TENM3: variants seen among roughly 807,000 people sequenced by gnomAD.
The protein encoded by TENM3 is teneurin-3.
In TENM3, 63 loss-of-function variants were observed where a neutral mutation model predicts 255.1. The ratio of observed to expected loss-of-function variants is 0.25; its 90% CI spans 0.20 to 0.30. TENM3 has a LOEUF of 0.30. Ranked by LOEUF, TENM3 falls within the 10% of genes least tolerant of loss-of-function variation. The pLI, the probability that TENM3 is intolerant of heterozygous loss-of-function variation, is 1.00. For missense variants in TENM3, 2,929 were observed against 3,461.1 expected (o/e 0.85, Z 3.86); for synonymous variants, 1,306 against 1,322.3 (o/e 0.99, Z 0.27).
chr4:181,675,777 A>C, the TENM3 span, among the ~76,000 whole-genome samples: 3 of 151,968 alleles, frequency 2.0e-5, no homozygotes, highest in Admixed American at 6.6e-5. Context: ...ATTTTTTTGC[A>C]TGCAAAATGA....
intron 2 of TENM3, among the ~76,000 whole-genome samples, chr4:182,335,072 C>G (rs1257856869): frequency 6.6e-6 from 1 of 151,928 alleles, no homozygotes; most frequent in Admixed American, 6.6e-5. Flanking sequence ...CTTTCATATT[C>G]CTGTTGGAGT....
At chr4:182,021,660 G>C in the TENM3 span, among the ~76,000 whole-genome samples, 1 of 152,176 alleles carries the variant, frequency 6.6e-6, no homozygotes, top group Non-Finnish European at 1.5e-5. Context: ...AATGAAGCTA[G>C]CCTTGCATAT....
the TENM3 span, among the ~76,000 whole-genome samples, chr4:181,859,808 A>G: frequency 3.3e-5 from 5 of 152,148 alleles, no homozygotes; most frequent in Admixed American, 2.6e-4. Flanking sequence ...CTTGTGTGAT[A>G]TCTGAATAAC....
chr4:181,672,989 C>A, the TENM3 span, among the ~76,000 whole-genome samples: 2 of 152,082 alleles, frequency 1.3e-5, no homozygotes, highest in Non-Finnish European at 2.9e-5. Context: ...ACACAGTAAA[C>A]AAAGAAGCAG....
the TENM3 span, among the ~76,000 whole-genome samples, chr4:181,682,942 G>A: frequency 6.6e-6 from 1 of 151,822 alleles, no homozygotes; most frequent in African/African-American, 2.4e-5. Flanking sequence ...GGCTAGGCAT[G>A]GTAGCTCACA....
At chr4:181,767,121 G>GGGCGCGATGGCA in the TENM3 span, among the ~76,000 whole-genome samples, 3 of 144,208 alleles carry the variant, frequency 2.1e-5, no homozygotes, top group Non-Finnish European at 4.5e-5. Flanking sequence ...GCGTGGTGGC[G>GGGCGCGATGGCA]GGCGCCTGTA....
the TENM3 span, among the ~76,000 whole-genome samples, chr4:181,860,846 A>G: frequency 6.6e-6 from 1 of 152,202 alleles, no homozygotes; most frequent in Non-Finnish European, 1.5e-5. Flanking sequence ...TGCAGATCAC[A>G]TTATGTTTAT....
intron 3 of TENM3, among the ~76,000 whole-genome samples, chr4:182,540,720 A>G (rs1740791495): frequency 6.6e-6 from 1 of 152,220 alleles, no homozygotes; most frequent in African/African-American, 2.4e-5. Context: ...GAACTGGGCT[A>G]GGAATTGAGA....
intron 3 of TENM3, among the ~76,000 whole-genome samples, chr4:182,542,703 C>T (rs757797932): frequency 1.3e-5 from 2 of 152,132 alleles, no homozygotes; most frequent in South Asian, 2.1e-4. Context: ...GGTCAAGTTT[C>T]GGATTCACCT....
At chr4:182,118,505 T>A in the TENM3 span, among the ~76,000 whole-genome samples, 2 of 152,128 alleles carry the variant, frequency 1.3e-5, no homozygotes, top group Admixed American at 1.3e-4. Context: ...GATCTTGAAC[T>A]CCTGGCCCCA....
the TENM3 span, among the ~76,000 whole-genome samples, chr4:181,531,324 A>G: frequency 6.6e-6 from 1 of 152,140 alleles, no homozygotes; most frequent in Non-Finnish European, 1.5e-5. Context: ...CCCAACGACA[A>G]AGTTGCCAGA....
chr4:182,450,257 G>C (rs1773336621), intron 3 of TENM3, among the ~76,000 whole-genome samples: 1 of 152,222 alleles, frequency 6.6e-6, no homozygotes, highest in Non-Finnish European at 1.5e-5. Flanking sequence ...ACCTCTGTGT[G>C]CTAATTGTTA....
At chr4:182,620,121 T>C (rs1214504927) in intron 4 of TENM3, among the ~76,000 whole-genome samples, 2 of 152,206 alleles carry the variant, frequency 1.3e-5, no homozygotes, top group Non-Finnish European at 2.9e-5. Flanking sequence ...CAGAGCTGTA[T>C]GACTCGGCAG....
intron 5 of TENM3, among the ~76,000 whole-genome samples, chr4:182,633,953 C>T (rs1344812322): frequency 6.6e-6 from 1 of 152,158 alleles, no homozygotes; most frequent in Non-Finnish European, 1.5e-5. Context: ...CCAAGCATTC[C>T]TGTGCCTAGG....
At chr4:182,101,360 G>C in the TENM3 span, among the ~76,000 whole-genome samples, 3 of 149,062 alleles carry the variant, frequency 2.0e-5, no homozygotes, top group Non-Finnish European at 4.5e-5. Context: ...GAAAGGGAGG[G>C]AGGGAGGGAA....
intron 1 of TENM3, among the ~76,000 whole-genome samples, chr4:182,251,160 A>C (rs1322877938): frequency 1.3e-5 from 2 of 152,152 alleles, no homozygotes; most frequent in Non-Finnish European, 2.9e-5. Flanking sequence ...ACTGAAAAAA[A>C]CCTTTCCACT....
At chr4:181,864,662 G>A in the TENM3 span, among the ~76,000 whole-genome samples, 1 of 152,112 alleles carries the variant, frequency 6.6e-6, no homozygotes, top group African/African-American at 2.4e-5. Context: ...AAATAAAATA[G>A]GGGAGATATG....
At chr4:182,796,109 C>T (rs576179348) in intron 26 of TENM3, among the ~76,000 whole-genome samples, 8 of 152,312 alleles carry the variant, frequency 5.3e-5, no homozygotes, top group African/African-American at 1.9e-4. Context: ...CCAGTTTTGC[C>T]AGCTTGCAGC....
At chr4:182,598,018 A>C (rs1747438756) in intron 3 of TENM3, among the ~76,000 whole-genome samples, 1 of 152,042 alleles carries the variant, frequency 6.6e-6, no homozygotes, top group Admixed American at 6.6e-5. Context: ...TGTCTCTACA[A>C]AAAATTTAAA....
Sources: gnomAD v4.1 joint callset for allele counts (sites outside exome capture counted in the v4.1 genomes callset) on GRCh38, gnomAD v4.1.1 for gene constraint, MANE v1.5 for transcripts, NCBI Gene and HGNC (gene_info 2026-07-23, HGNC 2026-07-21) for gene names.